The following LENG8 variants were observed in gnomAD, a reference collection of about 807,000 sequenced individuals.
The protein encoded by LENG8 is leukocyte receptor cluster (LRC) member 8.
Under a neutral mutation model 102.1 loss-of-function variants are expected in LENG8, and 28 were observed. The ratio of observed to expected loss-of-function variants is 0.27; its 90% CI spans 0.20 to 0.38. The LOEUF is 0.38. Among genes scored for constraint, LENG8 ranks in the 10% least tolerant of loss-of-function variants. The pLI, the probability that LENG8 is intolerant of heterozygous loss-of-function variation, is 1.00. For missense variants in LENG8, 1,022 were observed against 1,113.9 expected (o/e 0.92, Z 1.17); for synonymous variants, 531 against 456.7 (o/e 1.16, Z -2.07).
chr19:54,457,692 G>GT, intron 11 of LENG8, 55 bp from the exon 12 acceptor site: 2 of 1,273,010 alleles, frequency 1.6e-6, no homozygotes, highest in Non-Finnish European at 2.3e-6. Context: ...AGTGGAAGCC[G>GT]TTGGCCACGC....
At position 54,452,078 on chromosome 19, in the gene LENG8, C is replaced by A. The variant is rs1031928792; in HGVS notation, c.39-15C>A. On this transcript the variant is annotated splice_polypyrimidine_tract_variant and intron_variant, in intron 2 of 15. Coordinates refer to ENST00000326764, the MANE Select transcript of LENG8 (RefSeq NM_052925.4). Reference sequence around the variant, plus strand: ...GGGGAGAACAGGTGTGACTTGATGTCCTCTCTCTCTGCAGGTCTTCTCAGT... The same window carrying A: ...GGGGAGAACAGGTGTGACTTGATGTACTCTCTCTCTGCAGGTCTTCTCAGT... 3.1e-6 allele frequency: 5 copies of A among 1,599,714 alleles called. No individual in the cohort carries two copies. The highest frequency in any genetic ancestry group is 4.3e-6 in the Non-Finnish European group (5 of 1,169,384).
rs1295191632 is a variant in LENG8, at chr19:54,453,582, G to C, written c.352G>C (p.Gly118Arg). Residue 118 changes from glycine to arginine, a missense_variant, in exon 5 of 16, where the codon GGG becomes CGG. Coordinates refer to ENST00000326764, the MANE Select transcript of LENG8 (RefSeq NM_052925.4). ...YQSYGSPSQY[G>R]MAGSYGSATP... The stretch of plus-strand genomic sequence containing the variant: ...GAGCTATGGCTCCCCTTCCCAGTAT[G>C]GGATGGCCGGCTCCTATGGCTCAGC... The C allele has an allele frequency of 1.2e-6, 2 of 1,614,024 alleles. No individual in the cohort carries two copies. Among genetic ancestry groups the C allele is most frequent in the Non-Finnish European group, 1.7e-6 (2 of 1,179,986 alleles).
rs1296408519 is a variant in LENG8, at chr19:54,461,619, T to C, written c.*691T>C. ...CTCCCTCTGCCCCCAGTGTTTCTTC[T>C]GATTTTTTTTTCCCCTTTCCCTCCC... On this transcript the variant is annotated 3_prime_UTR_variant, in exon 16 of 16. Transcript: ENST00000326764. 1 of 473,784 alleles carries C rather than the reference T, an allele frequency of 2.1e-6. No homozygotes were observed. The highest frequency in any genetic ancestry group is 4.4e-6 in the Non-Finnish European group (1 of 228,844). The allele number at this position is 473,784 out of a possible 1,614,324, so 29.3% of individuals were successfully genotyped here. A position where few individuals can be genotyped will look rare whatever the true frequency, so the allele number is the denominator to read the frequency against.
chr19:54,452,359 C>A, intron 3 of LENG8, 92 bp downstream of exon 3: 1 of 1,167,440 alleles, frequency 8.6e-7, no homozygotes, highest in Non-Finnish European at 1.2e-6. Context: ...AGACGGGGTG[C>A]TCTGAGGGGA....
intron 3 of LENG8, 23 bp from the exon 4 acceptor site, chr19:54,452,628 C>A: frequency 6.6e-7 from 1 of 1,513,606 alleles, no homozygotes; most frequent in Non-Finnish European, 8.8e-7. Flanking sequence ...CTGCTGACGG[C>A]ACATGTGCCT....
rs2084057423 is a variant in LENG8, at chr19:54,453,470, G to A, written c.316-76G>A. 6 of 888,264 alleles carry A rather than the reference G, an allele frequency of 6.8e-6. No individual in the cohort carries two copies. In the East Asian group the frequency reaches 1.5e-4, roughly 22 times the overall value. The allele number at this position is 888,264 out of a possible 1,614,324, so 55.0% of individuals were successfully genotyped here. On this transcript the variant is annotated intron_variant, in intron 4 of 15. Coordinates refer to ENST00000326764, the MANE Select transcript of LENG8 (RefSeq NM_052925.4). ...AGGGATTGGTAGAGGGTCATGGCTG[G>A]TGTAGTTCCTGAGCAGGCTGGGGAA...
In LENG8 at chr19:54,457,946, C is replaced by T. The variant is rs1432878211; in HGVS notation, c.1846C>T (p.Arg616Cys). 2 of 1,613,872 alleles carry T rather than the reference C, an allele frequency of 1.2e-6. No homozygotes were observed. The highest frequency in any genetic ancestry group is 3.3e-5 in the Admixed American group (2 of 60,022). The change falls in exon 13 of 16, where the codon CGC (arginine) becomes TGC (cysteine). Residue 616 changes from arginine to cysteine, a missense_variant. Transcript: ENST00000326764. Reference sequence around the variant, plus strand: ...CCCGCTGCCCCAGGTGCAGGGCATCCGCACCGAGTTCACGGTGGAGGTGTA... The same window carrying T: ...CCCGCTGCCCCAGGTGCAGGGCATCTGCACCGAGTTCACGGTGGAGGTGTA... ...IRQDLTVQGI[R>C]TEFTVEVYET...
intron 1 of LENG8, 27 bp from the exon 2 acceptor site, chr19:54,451,263 C>G (rs973851128): frequency 7.0e-7 from 1 of 1,433,118 alleles, no homozygotes; most frequent in Non-Finnish European, 9.9e-7. Context: ...CCCCTTAAGT[C>G]TCCCTAACTC....
intron 15 of LENG8, chr19:54,458,987 G>A: frequency 6.9e-7 from 1 of 1,457,676 alleles, no homozygotes; most frequent in African/African-American, 1.4e-5. Context: ...AAACGCTTAG[G>A]GAGACACCTG....
chr19:54,455,656 T>C, intron 8 of LENG8, 89 bp downstream of exon 8: 2 of 1,193,668 alleles, frequency 1.7e-6, no homozygotes, highest in Non-Finnish European at 2.4e-6. Flanking sequence ...GGGTCCCAGG[T>C]ACCAGGAGCT....
intron 15 of LENG8, chr19:54,460,180 C>G (rs1203482941): frequency 7.8e-7 from 1 of 1,290,002 alleles, no homozygotes; most frequent in Non-Finnish European, 1.0e-6. Flanking sequence ...CACTCGGTGC[C>G]TGGGTTCCTG....
Position 54,456,794 on chromosome 19 carries a change from G to C in LENG8, c.1604G>C (p.Ser535Thr). The change falls in exon 11 of 16, where the codon AGC becomes ACC. Residue 535 changes from serine to threonine, a missense_variant. This residue lies in a region of LENG8 where 326 missense variants were observed against 324.5 expected (regional missense o/e 1.00). Coordinates refer to ENST00000326764, the MANE Select transcript of LENG8 (RefSeq NM_052925.4). ...RLEPLVLQMS[S>T]LESSGADPDW... ...GAGCCCCTGGTGCTGCAGATGAGCA[G>C]CCTGGAGAGCAGTGGGGCTGACCCT... 1 of 1,611,572 alleles carries C rather than the reference G, an allele frequency of 6.2e-7. No homozygotes were observed. Among genetic ancestry groups the C allele is most frequent in the East Asian group, 2.2e-5 (1 of 44,818 alleles).
At chr19:54,450,639 T>TG (rs34702575) in intron 1 of LENG8, among the ~76,000 whole-genome samples, 16 of 124,552 alleles carry the variant, frequency 1.3e-4, no homozygotes, top group East Asian at 2.8e-4. Flanking sequence ...TTTTTTTTTT[T>TG]GAGACAGAGT....
chr19:54,459,313 G>A, intron 15 of LENG8: 1 of 1,009,410 alleles, frequency 9.9e-7, no homozygotes, highest in Non-Finnish European at 1.2e-6. Context: ...GGTCGAAGAG[G>A]TTGACCGGTA....
At chr19:54,452,990 G>A (rs2084032445) in intron 4 of LENG8, among the ~76,000 whole-genome samples, 1 of 152,078 alleles carries the variant, frequency 6.6e-6, no homozygotes, top group African/African-American at 2.4e-5. Context: ...TTCTGCCATG[G>A]CCATCGAAGC....
At chr19:54,459,829 A>C in intron 15 of LENG8, 1 of 1,154,810 alleles carries the variant, frequency 8.7e-7, no homozygotes, top group Non-Finnish European at 1.1e-6. Flanking sequence ...CCAGCTTGGG[A>C]AGTTAGAAGG....
chr19:54,452,552 T>C, intron 3 of LENG8, 99 bp from the exon 4 acceptor site: 1 of 974,150 alleles, frequency 1.0e-6, no homozygotes. Flanking sequence ...CCCAGTTTCA[T>C]CCCTTGGCAA....
intron 15 of LENG8, chr19:54,460,511 G>C: frequency 2.6e-5 from 36 of 1,376,908 alleles, no homozygotes; most frequent in Non-Finnish European, 3.4e-5. Context: ...GCCCTTCCCT[G>C]CCCGTCCCCG....
Position 54,456,008 on chromosome 19 carries a change from G to A in LENG8, c.1067G>A (p.Arg356Gln), listed in dbSNP as rs534808006. 35 of 1,613,232 alleles carry A rather than the reference G, an allele frequency of 2.2e-5. No homozygotes were observed. The highest frequency in any genetic ancestry group is 6.6e-5 in the South Asian group (6 of 91,056). Residue 356 changes from arginine to glutamine, a missense_variant, in exon 9 of 16, where the codon CGG becomes CAG. Coordinates refer to ENST00000326764, the MANE Select transcript of LENG8 (RefSeq NM_052925.4). The stretch of plus-strand genomic sequence containing the variant: ...GTGGCTGAGAGCCCTAAGAAGAAGC[G>A]GTGGGAGGCCGCTAGCAGCCTTCAC... The part of the protein sequence containing the change: ...EPVAESPKKK[R>Q]WEAASSLHPP...
Sources: allele counts gnomAD v4.1 joint callset (sites outside exome capture counted in the v4.1 genomes callset), GRCh38; gene constraint gnomAD v4.1.1; regional missense constraint gnomAD v4.1.1; transcripts MANE v1.5; gene names NCBI Gene and HGNC (gene_info 2026-07-23, HGNC 2026-07-21).